Variants in LAMTOR5 observed in about 807,000 individuals in gnomAD.
LAMTOR5 encodes ragulator complex protein LAMTOR5.
A neutral mutation model predicts 12.1 loss-of-function variants in LAMTOR5; 8 were observed. The observed-to-expected ratio is 0.66, with a 90% confidence interval of 0.39 to 1.19. LAMTOR5 has a LOEUF of 1.19. Ranked by LOEUF, LAMTOR5 falls within the 50% of genes most tolerant of loss-of-function variation. LAMTOR5 has a pLI of 0.01. For synonymous variants in LAMTOR5, 37 were observed against 41.9 expected, an observed-to-expected ratio of 0.88 and a Z score of 0.45; for missense variants, 110 against 112.8, an observed-to-expected ratio of 0.97 and a Z score of 0.11.
At chr1:110,401,630 T>G (rs200070449) in intron 3 of LAMTOR5, 47 bp from the exon 4 acceptor site, 1 of 1,550,582 alleles carries the variant, frequency 6.4e-7, no homozygotes, top group East Asian at 2.3e-5. Context: ...TCAGTGGGAC[T>G]TCACTGCAAG....
At position 110,407,653 on chromosome 1, in the gene LAMTOR5, GCGGCA is replaced by G. The variant is rs773644733; in HGVS notation, c.-38_-34del. On this transcript the variant is annotated 5_prime_UTR_variant, in exon 1 of 4. Transcript: ENST00000602318. The stretch of plus-strand genomic sequence containing the variant: ...ACCGACCACTCCGGCTCAGAACCCA[GCGGCA>G]CGGCACGTCCTTCTCCACCACAGGC... 2.1e-5 allele frequency: 34 copies of G among 1,614,084 alleles called. No homozygotes were observed. The African/African-American group carries it at 4.3e-4, about 20-fold the overall frequency.
At position 110,403,943 on chromosome 1, in the gene LAMTOR5, A is replaced by G; in HGVS notation, c.191T>C (p.Val64Ala). 2 of 1,614,188 alleles carry G rather than the reference A, an allele frequency of 1.2e-6. No individual in the cohort carries two copies. Among genetic ancestry groups the G allele is most frequent in the Non-Finnish European group, 1.7e-6 (2 of 1,180,026 alleles). Reference protein sequence around the residue: ...KLTSDPTDIPVVCLESDNGNI... With the variant: ...KLTSDPTDIPAVCLESDNGNI... ...CCCATTATCTGATTCTAGACACACCACAGGAATATCAGTGGGGTCAGAGGT... is the reference window on the plus strand; with the variant it reads ...CCCATTATCTGATTCTAGACACACCGCAGGAATATCAGTGGGGTCAGAGGT... The change falls in exon 3 of 4, where the codon GTG (valine) becomes GCG (alanine). Residue 64 changes from valine (V) to alanine (A), a missense_variant. By Grantham distance (64) the Val-to-Ala change is moderately conservative. Transcript: ENST00000602318.
Position 110,401,489 on chromosome 1 carries a change from C to T in LAMTOR5, c.*34G>A, listed in dbSNP as rs772545586. The T allele has an allele frequency of 1.1e-5, 18 of 1,592,372 alleles. No individual in the cohort carries two copies. In the South Asian group the frequency reaches 2.0e-4, roughly 18 times the overall value. On this transcript the variant is annotated 3_prime_UTR_variant, in exon 4 of 4. Coordinates refer to ENST00000602318, the MANE Select transcript of LAMTOR5 (RefSeq NM_001382293.1). ...TAATTAACATAGGTAGGATCCAGTT[C>T]CTATGACAGGCTGCTGAAGAACAGA...
rs529961092 is a variant in LAMTOR5 at position 110,402,121 on chromosome 1, CAT to C, written c.216-540_216-539del. On this transcript the variant is annotated intron_variant, in intron 3 of 3. Coordinates refer to ENST00000602318, the MANE Select transcript of LAMTOR5 (RefSeq NM_001382293.1). ...ATCACATAGCACAACACACTACTCA[CAT>C]GTTTGTGGTAATGCTGGTGTAAACA... Among the ~76,000 whole-genome samples the C allele has an allele frequency of 2.2e-3, 338 of 152,284 alleles. 3 individuals carry two copies. Among genetic ancestry groups the C allele is most frequent in the African/African-American group, 7.4e-3 (308 of 41,544 alleles).
At chr1:110,403,026 G>A (rs1477421485) in intron 3 of LAMTOR5, among the ~76,000 whole-genome samples, 1 of 152,068 alleles carries the variant, frequency 6.6e-6, no homozygotes, top group African/African-American at 2.4e-5. Context: ...AAATACCACT[G>A]TTATAACTGC....
intron 2 of LAMTOR5, among the ~76,000 whole-genome samples, chr1:110,404,686 T>C (rs1447686858): frequency 6.6e-6 from 1 of 152,232 alleles, no homozygotes; most frequent in African/African-American, 2.4e-5. Context: ...CATGTGTAAT[T>C]GCTACCATTT....
intron 2 of LAMTOR5, 82 bp from the exon 3 acceptor site, chr1:110,404,118 G>T: frequency 6.4e-7 from 1 of 1,564,366 alleles, no homozygotes; most frequent in Non-Finnish European, 8.6e-7. Context: ...GTTTTAAAAT[G>T]TCTACAGAAT....
At chr1:110,407,350 C>A in intron 1 of LAMTOR5, 4 of 612,542 alleles carry the variant, frequency 6.5e-6, no homozygotes, top group Non-Finnish European at 1.1e-5. Flanking sequence ...GGCCCGTGGC[C>A]TGGGCCCGGG....
intron 3 of LAMTOR5, among the ~76,000 whole-genome samples, chr1:110,401,824 T>A (rs898874984): frequency 6.6e-6 from 1 of 152,210 alleles, no homozygotes; most frequent in East Asian, 1.9e-4. Flanking sequence ...CCCTGGTTCT[T>A]TGTTTCGGTT....
chr1:110,401,414 G>T lies in LAMTOR5; in HGVS notation c.*109C>A. ...TTAAATAAACAGAAAAGTGCCTAAT[G>T]CACATTAAATGAATGGCCTAACTAC... is the stretch of plus-strand genomic sequence containing the variant. On this transcript the variant is annotated 3_prime_UTR_variant, in exon 4 of 4. Transcript: ENST00000602318. 8.5e-7 allele frequency: 1 copy of T among 1,181,546 alleles called. No individual in the cohort carries two copies. Among genetic ancestry groups the T allele is most frequent in the Non-Finnish European group, 1.2e-6 (1 of 827,578 alleles). The allele number at this position is 1,181,546 out of a possible 1,614,324, so 73.2% of individuals were successfully genotyped here. A position where few individuals can be genotyped will look rare whatever the true frequency, so the allele number is the denominator to read the frequency against.
upstream of LAMTOR5, chr1:110,407,792 T>TC (rs1432786565): frequency 5.6e-6 from 9 of 1,613,922 alleles, no homozygotes; most frequent in Non-Finnish European, 6.8e-6. Context: ...TCACTGCGCT[T>TC]CCGTCGCACA....
chr1:110,401,832 G>T (rs1663237094), intron 3 of LAMTOR5, among the ~76,000 whole-genome samples: 2 of 152,088 alleles, frequency 1.3e-5, no homozygotes, highest in South Asian at 4.2e-4. Context: ...CTTTGTTTCG[G>T]TTTTTTAGGC....
intron 3 of LAMTOR5, among the ~76,000 whole-genome samples, chr1:110,402,004 C>A (rs1663240335): frequency 6.6e-6 from 1 of 152,174 alleles, no homozygotes. Flanking sequence ...ATGCTTCAGT[C>A]AACAGTGGAC....
At chr1:110,405,860 C>T (rs1186199397) in intron 2 of LAMTOR5, among the ~76,000 whole-genome samples, 1 of 152,128 alleles carries the variant, frequency 6.6e-6, no homozygotes, top group East Asian at 1.9e-4. Context: ...CAGGTATGTC[C>T]AACACTGAAA....
At chr1:110,407,043 G>A (rs1257724214) in intron 1 of LAMTOR5, 1 of 699,032 alleles carries the variant, frequency 1.4e-6, no homozygotes, top group Non-Finnish European at 2.6e-6. Flanking sequence ...CTCCTGGAGG[G>A]TAAGTGGAAG....
At chr1:110,403,175 C>G (rs545844078) in intron 3 of LAMTOR5, among the ~76,000 whole-genome samples, 1 of 152,172 alleles carries the variant, frequency 6.6e-6, no homozygotes, top group Admixed American at 6.5e-5. Context: ...CAGAACATAT[C>G]CCCATTGTTA....
intron 3 of LAMTOR5, among the ~76,000 whole-genome samples, chr1:110,402,274 G>A (rs1570669714): frequency 6.6e-6 from 1 of 151,364 alleles, no homozygotes; most frequent in African/African-American, 2.4e-5. Context: ...TTTTTGAGAC[G>A]GAGTCTTGCT....
At chr1:110,403,689 G>T in intron 3 of LAMTOR5, 2 of 466,434 alleles carry the variant, frequency 4.3e-6, no homozygotes, top group Admixed American at 4.1e-5. Flanking sequence ...TCTTTTTGTT[G>T]GTAAACTGAT....
chr1:110,405,748 C>T (rs192369978), intron 2 of LAMTOR5, among the ~76,000 whole-genome samples: 2 of 152,246 alleles, frequency 1.3e-5, no homozygotes, highest in African/African-American at 4.8e-5. Context: ...ATGATTATTA[C>T]CATTATCAAA....
Sources: gnomAD v4.1 joint callset for allele counts (sites outside exome capture counted in the v4.1 genomes callset) on GRCh38, gnomAD v4.1.1 for gene constraint, MANE v1.5 for transcripts, NCBI Gene and HGNC (gene_info 2026-07-23, HGNC 2026-07-21) for gene names.